Variants in RAB6A observed in about 807,000 individuals in gnomAD.
The protein encoded by RAB6A is ras-related protein Rab-6A.
A neutral mutation model predicts 32.3 loss-of-function variants in RAB6A; 8 were observed. The ratio of observed to expected loss-of-function variants is 0.25; its 90% CI spans 0.15 to 0.45. RAB6A has a LOEUF of 0.45. RAB6A is among the 20% of genes least tolerant of loss of function. The pLI, the probability that RAB6A is intolerant of heterozygous loss-of-function variation, is 1.00. For synonymous variants in RAB6A, 73 were observed against 82.1 expected (o/e 0.89, Z 0.60); for missense variants, 104 against 249.4 (o/e 0.42, Z 3.93).
chr11:73,715,166 G>C (rs937429375), intron 5 of RAB6A, among the ~76,000 whole-genome samples: 22 of 151,674 alleles, frequency 1.5e-4, no homozygotes, highest in Middle Eastern at 3.4e-3. Context: ...TCACTCTGTT[G>C]CCCAGGCTGG....
intron 5 of RAB6A, among the ~76,000 whole-genome samples, chr11:73,714,209 A>AAAAAAAATATAT (rs35864471): frequency 1.7e-5 from 1 of 57,576 alleles, no homozygotes; most frequent in Non-Finnish European, 3.4e-5. Context: ...AAAAAAAAAA[A>AAAAAAAATATAT]ATATATATAT....
intron 1 of RAB6A, among the ~76,000 whole-genome samples, chr11:73,746,234 GAAAT>G (rs935733533): frequency 6.6e-6 from 1 of 151,918 alleles, no homozygotes; most frequent in Non-Finnish European, 1.5e-5. Context: ...TTTATAGTAA[GAAAT>G]AACTTTTGTA....
chr11:73,752,411 G>A (rs1946682635), intron 1 of RAB6A, among the ~76,000 whole-genome samples: 1 of 152,142 alleles, frequency 6.6e-6, no homozygotes, highest in African/African-American at 2.4e-5. Flanking sequence ...AGCCAAGATT[G>A]CACCATTGCA....
intron 2 of RAB6A, among the ~76,000 whole-genome samples, chr11:73,724,691 T>G (rs1476674487): frequency 6.6e-6 from 1 of 152,160 alleles, no homozygotes; most frequent in Non-Finnish European, 1.5e-5. Flanking sequence ...TTTCACCGTG[T>G]TAGCCAACAT....
chr11:73,726,643 G>A (rs1351795127), intron 2 of RAB6A, among the ~76,000 whole-genome samples: 1 of 131,586 alleles, frequency 7.6e-6, no homozygotes, highest in Non-Finnish European at 1.6e-5. Flanking sequence ...CAGCTACTCA[G>A]GAGGCTGAGG....
chr11:73,730,197 G>C (rs932259362), intron 2 of RAB6A: 2 of 152,152 alleles, frequency 1.3e-5, no homozygotes, highest in East Asian at 3.8e-4. Context: ...TCTTAAAGTA[G>C]AATGTTAGGC....
chr11:73,718,261 G>A (rs955315693), intron 4 of RAB6A, among the ~76,000 whole-genome samples: 2 of 152,204 alleles, frequency 1.3e-5, no homozygotes, highest in African/African-American at 4.8e-5. Flanking sequence ...AACCTGGCAA[G>A]AGACTTAAAT....
At position 73,716,269 on chromosome 11, in the gene RAB6A, G is replaced by GT; in HGVS notation, c.382dup (p.Thr128AsnfsTer5). On this transcript the variant is annotated frameshift_variant, in exon 5 of 8. Coordinates refer to ENST00000336083, the MANE Select transcript of RAB6A (RefSeq NM_198896.2). LOFTEE classifies it high-confidence loss of function. ...TCCATACCTCTTGTCAGCAAGATCT[G>GT]TTTTATTTCCTACTAGCATGATGAT... is the stretch of plus-strand genomic sequence containing the variant. 6.2e-7 allele frequency: 1 copy of GT among 1,609,682 alleles called. No homozygotes were observed. Among genetic ancestry groups the GT allele is most frequent in the Non-Finnish European group, 8.5e-7 (1 of 1,176,184 alleles).
chr11:73,705,766 A>AGG (rs1945828829), intron 6 of RAB6A, among the ~76,000 whole-genome samples: 1 of 49,510 alleles, frequency 2.0e-5, no homozygotes. Context: ...TATAATTCCG[A>AGG]TGAGAGAGAG....
chr11:73,742,481 T>C (rs184485583), intron 1 of RAB6A, among the ~76,000 whole-genome samples: 2 of 151,832 alleles, frequency 1.3e-5, no homozygotes, highest in African/African-American at 2.4e-5. Context: ...ATAAGAAAGA[T>C]ACATAATGGT....
chr11:73,715,329 T>C (rs547790203), intron 5 of RAB6A, among the ~76,000 whole-genome samples: 1 of 152,266 alleles, frequency 6.6e-6, no homozygotes, highest in African/African-American at 2.4e-5. Context: ...TTTCACCATC[T>C]TGGCCAGGCT....
chr11:73,737,858 G>A (rs913030945), intron 1 of RAB6A, among the ~76,000 whole-genome samples: 5 of 151,670 alleles, frequency 3.3e-5, no homozygotes, highest in African/African-American at 9.7e-5. Flanking sequence ...TTAGCTGGGC[G>A]TGGTGGTGGG....
At chr11:73,754,883 TC>T (rs750795197) in intron 1 of RAB6A, among the ~76,000 whole-genome samples, 32 of 28,362 alleles carry the variant, frequency 1.1e-3, no homozygotes, top group African/African-American at 1.7e-3. Context: ...AGGGATGCAG[TC>T]AAAAAAAAAA....
chr11:73,692,163 G>T (rs1056738082), intron 6 of RAB6A, among the ~76,000 whole-genome samples: 16 of 151,924 alleles, frequency 1.1e-4, no homozygotes, highest in African/African-American at 3.6e-4. Context: ...AGAAAATCTG[G>T]CAATACTTAT....
intron 1 of RAB6A, among the ~76,000 whole-genome samples, chr11:73,745,514 G>A (rs1946574023): frequency 6.6e-6 from 1 of 152,202 alleles, no homozygotes; most frequent in South Asian, 2.1e-4. Flanking sequence ...GGAGGCTGAA[G>A]CAGGTGGATC....
intron 3 of RAB6A, among the ~76,000 whole-genome samples, chr11:73,719,772 C>A: frequency 6.6e-6 from 1 of 151,908 alleles, no homozygotes; most frequent in Non-Finnish European, 1.5e-5. Context: ...CCCGCCACCA[C>A]GCCCAGCTAA....
chr11:73,726,665 C>T (rs1946228507), intron 2 of RAB6A, among the ~76,000 whole-genome samples: 1 of 134,396 alleles, frequency 7.4e-6, no homozygotes, highest in Non-Finnish European at 1.5e-5. Context: ...GGGAGAATCG[C>T]TTGAGCCTGG....
chr11:73,758,862 G>A (rs1946799293), intron 1 of RAB6A, among the ~76,000 whole-genome samples: 1 of 152,088 alleles, frequency 6.6e-6, no homozygotes, highest in Non-Finnish European at 1.5e-5. Flanking sequence ...AGAAAAGCTG[G>A]ACTAGAAGCA....
At chr11:73,680,905 G>C (rs1209540161) in intron 6 of RAB6A, among the ~76,000 whole-genome samples, 1 of 152,120 alleles carries the variant, frequency 6.6e-6, no homozygotes, top group African/African-American at 2.4e-5. Flanking sequence ...ACTCAAGCCT[G>C]GTGAGATGTT....
Sources: gnomAD v4.1 joint callset for allele counts (sites outside exome capture counted in the v4.1 genomes callset) on GRCh38, gnomAD v4.1.1 for gene constraint, MANE v1.5 for transcripts, NCBI Gene and HGNC (gene_info 2026-07-23, HGNC 2026-07-21) for gene names.